Variants in ASTN2 observed in about 807,000 individuals in gnomAD.
The protein encoded by ASTN2 is astrotactin 2.
In ASTN2, 54 loss-of-function variants were observed where a neutral mutation model predicts 139.8. That is an observed-to-expected ratio of 0.39 (90% CI 0.31 to 0.48). ASTN2 has a LOEUF of 0.48. Among genes scored for constraint, ASTN2 ranks in the 20% least tolerant of loss-of-function variants. The probability of loss-of-function intolerance (pLI) is 0.95; values close to 1 mark genes in which losing one functional copy is unlikely to be tolerated. For missense variants in ASTN2, 1,565 were observed against 1,725.1 expected, an observed-to-expected ratio of 0.91 and a Z score of 1.64; for synonymous variants, 756 against 719.5, an observed-to-expected ratio of 1.05 and a Z score of -0.81.
At chr9:116,932,297 G>T (rs576092288) in intron 10 of ASTN2, among the ~76,000 whole-genome samples, 1 of 152,258 alleles carries the variant, frequency 6.6e-6, no homozygotes, top group African/African-American at 2.4e-5. Context: ...CACACAGCCA[G>T]GTATCTGATG....
chr9:117,339,906 CAAA>C (rs34679364), intron 1 of ASTN2, among the ~76,000 whole-genome samples: 1 of 86,960 alleles, frequency 1.1e-5, no homozygotes. Context: ...GTCTCTTTTA[CAAA>C]AAAAAAAAAA....
At chr9:116,830,046 A>G (rs1160844618) in intron 11 of ASTN2, among the ~76,000 whole-genome samples, 1 of 152,216 alleles carries the variant, frequency 6.6e-6, no homozygotes, top group East Asian at 1.9e-4. Context: ...TAAACAGACA[A>G]CCTACAGAAT....
chr9:116,512,731 G>A (rs1410397882), intron 19 of ASTN2, among the ~76,000 whole-genome samples: 1 of 152,164 alleles, frequency 6.6e-6, no homozygotes, highest in Non-Finnish European at 1.5e-5. Context: ...TCTTCTTGCT[G>A]AATTGATCCC....
At chr9:116,557,223 C>CAAAAAAAAA (rs60756690) in intron 19 of ASTN2, among the ~76,000 whole-genome samples, 13 of 53,598 alleles carry the variant, frequency 2.4e-4, no homozygotes, top group African/African-American at 6.7e-4. Context: ...GACTCTGTCT[C>CAAAAAAAAA]AAAAAAAAAA....
chr9:117,298,671 TATATATATATATATATATATGTGC>T (rs1834796143), intron 1 of ASTN2, among the ~76,000 whole-genome samples: 1 of 2,330 alleles, frequency 4.3e-4, no homozygotes, highest in Non-Finnish European at 2.5e-3. Context: ...TATATATGTG[TATATATATATATATATATATGTGC>T]ATATGTATGT....
chr9:116,940,414 A>T (rs750177935), intron 10 of ASTN2, among the ~76,000 whole-genome samples: 1 of 152,162 alleles, frequency 6.6e-6, no homozygotes, highest in Non-Finnish European at 1.5e-5. Context: ...CATGTGTGTT[A>T]TTGTCCCTGA....
intron 19 of ASTN2, among the ~76,000 whole-genome samples, chr9:116,493,263 G>T (rs1208067103): frequency 1.3e-5 from 2 of 152,118 alleles, no homozygotes; most frequent in South Asian, 2.1e-4. Flanking sequence ...CTTGTTAGGG[G>T]CTTATGGTAG....
At chr9:116,998,893 T>G (rs1023441335) in intron 7 of ASTN2, among the ~76,000 whole-genome samples, 1 of 152,202 alleles carries the variant, frequency 6.6e-6, no homozygotes. Context: ...TTGGAATTTA[T>G]AGCTTCATAA....
At chr9:116,743,665 C>CT (rs1829155999) in intron 13 of ASTN2, among the ~76,000 whole-genome samples, 2 of 152,102 alleles carry the variant, frequency 1.3e-5, no homozygotes, top group Non-Finnish European at 2.9e-5. Context: ...GCCACCCCAC[C>CT]GAGCTAATTG....
intron 17 of ASTN2, among the ~76,000 whole-genome samples, chr9:116,641,308 TGAA>T (rs982763025): frequency 2.0e-5 from 3 of 152,192 alleles, no homozygotes; most frequent in African/African-American, 7.2e-5. Flanking sequence ...ATTTAAAATT[TGAA>T]GAAGAGAAGC....
rs192621677 is a variant in ASTN2, at chr9:117,345,558, C to A, written c.443-54045G>T. On this transcript the variant is annotated intron_variant, in intron 1 of 22. Coordinates refer to ENST00000313400, the MANE Select transcript of ASTN2 (RefSeq NM_001365068.1). The stretch of plus-strand genomic sequence containing the variant: ...GTCACACAGCTGATAGGTGGCAGAG[C>A]TTGGTTTTCAAACTCAGGCTGTCTG... 8.7e-4 allele frequency among the ~76,000 whole-genome samples: 132 copies of A among 152,252 alleles called. 1 individual carries two copies. Among genetic ancestry groups the A allele is most frequent in the African/African-American group, 2.6e-3 (110 of 41,552 alleles).
intron 16 of ASTN2, among the ~76,000 whole-genome samples, chr9:116,685,724 G>C (rs774621148): frequency 4.6e-5 from 7 of 151,752 alleles, no homozygotes; most frequent in Non-Finnish European, 8.8e-5. Flanking sequence ...TCATTTAACT[G>C]GTAATAAACA....
chr9:117,366,780 C>T lies in ASTN2; in HGVS notation c.442+47717G>A, dbSNP rs574221781. 2.4e-3 allele frequency among the ~76,000 whole-genome samples: 360 copies of T among 149,754 alleles called. 1 individual carries two copies. The highest frequency in any genetic ancestry group is 4.5e-3 in the Non-Finnish European group (299 of 67,106). On this transcript the variant is annotated intron_variant, in intron 1 of 22. Transcript: ENST00000313400. Reference sequence around the variant, plus strand: ...ACAAATAGCGTCTACTTCATCTTCTCTTTTTTTTTTCTGAGACGCAGTCTC... The same window carrying T: ...ACAAATAGCGTCTACTTCATCTTCTTTTTTTTTTTTCTGAGACGCAGTCTC...
chr9:117,106,910 T>G (rs912386413), intron 4 of ASTN2, among the ~76,000 whole-genome samples: 2 of 152,222 alleles, frequency 1.3e-5, no homozygotes. Context: ...GTCATATGTG[T>G]GTCTGTGCAT....
chr9:117,041,970 A>G (rs1157954418), intron 5 of ASTN2, among the ~76,000 whole-genome samples: 2 of 152,164 alleles, frequency 1.3e-5, no homozygotes, highest in Non-Finnish European at 2.9e-5. Flanking sequence ...ACTAGAGTCT[A>G]GTAAATAGAC....
At chr9:117,250,762 GA>G (rs1447855584) in intron 2 of ASTN2, among the ~76,000 whole-genome samples, 1 of 152,166 alleles carries the variant, frequency 6.6e-6, no homozygotes, top group Non-Finnish European at 1.5e-5. Context: ...CATTCCTGTG[GA>G]CAGTGCTTCA....
chr9:117,010,539 G>C (rs962501458), intron 6 of ASTN2, among the ~76,000 whole-genome samples: 1 of 152,126 alleles, frequency 6.6e-6, no homozygotes, highest in Non-Finnish European at 1.5e-5. Flanking sequence ...TAACTTACCA[G>C]CTCTGCAAAC....
At chr9:116,724,612 T>G (rs1352902222) in intron 16 of ASTN2, among the ~76,000 whole-genome samples, 1 of 152,174 alleles carries the variant, frequency 6.6e-6, no homozygotes, top group Admixed American at 6.5e-5. Context: ...AGACTTAGTT[T>G]CCTCGACTGC....
At chr9:117,002,544 G>A (rs1404415833) in intron 7 of ASTN2, among the ~76,000 whole-genome samples, 1 of 152,184 alleles carries the variant, frequency 6.6e-6, no homozygotes, top group Non-Finnish European at 1.5e-5. Context: ...ATGCTGCACA[G>A]TTGTTGGCGA....
Sources: allele counts gnomAD v4.1 joint callset (sites outside exome capture counted in the v4.1 genomes callset), GRCh38; gene constraint gnomAD v4.1.1; transcripts MANE v1.5; gene names NCBI Gene and HGNC (gene_info 2026-07-23, HGNC 2026-07-21).